Variants in TEX26 observed in about 807,000 individuals in gnomAD.
TEX26 encodes the protein testis expressed 26.
In TEX26, 34 loss-of-function variants were observed where a neutral mutation model predicts 35.3. That is an observed-to-expected ratio of 0.96 (90% CI 0.73 to 1.28). The LOEUF (loss-of-function observed/expected upper bound fraction) is 1.28, where lower values mean the gene tolerates loss of function less well. Among genes scored for constraint, TEX26 ranks in the 50% most tolerant of loss-of-function variants. The probability of loss-of-function intolerance (pLI) is 0.00; values close to 1 mark genes in which losing one functional copy is unlikely to be tolerated. For synonymous variants in TEX26, 136 were observed against 111.8 expected, an observed-to-expected ratio of 1.22 and a Z score of -1.36; for missense variants, 371 against 330.1, an observed-to-expected ratio of 1.12 and a Z score of -0.96.
chr13:30,941,165 A>C (rs1414543338), intron 2 of TEX26, among the ~76,000 whole-genome samples: 2 of 152,166 alleles, frequency 1.3e-5, no homozygotes, highest in East Asian at 3.9e-4. Flanking sequence ...TGTTCTGAGG[A>C]CACAAAGCAC....
chr13:30,973,588 T>A (rs558621961), intron 6 of TEX26: 2 of 152,056 alleles, frequency 1.3e-5, no homozygotes, highest in Non-Finnish European at 2.9e-5. Flanking sequence ...AAATTAAACA[T>A]GAAATCACAA....
At chr13:30,941,178 G>C (rs967997481) in intron 2 of TEX26, among the ~76,000 whole-genome samples, 22 of 152,098 alleles carry the variant, frequency 1.4e-4, no homozygotes, top group African/African-American at 5.3e-4. Flanking sequence ...CAAAGCACTA[G>C]GACAGTGACT....
At chr13:30,952,227 T>A (rs948924067) in intron 2 of TEX26, among the ~76,000 whole-genome samples, 1 of 152,044 alleles carries the variant, frequency 6.6e-6, no homozygotes, top group Admixed American at 6.6e-5. Flanking sequence ...TGAGTGGACA[T>A]TGCTGGCCAT....
intron 2 of TEX26, among the ~76,000 whole-genome samples, chr13:30,952,389 G>A (rs1275547875): frequency 6.6e-6 from 1 of 151,904 alleles, no homozygotes; most frequent in Non-Finnish European, 1.5e-5. Flanking sequence ...ATTGGAGAGT[G>A]TTCAGCTCTT....
chr13:30,970,158 GGTGTGTGTGAGTGTGTGTGT>G (rs1169771118), intron 6 of TEX26, among the ~76,000 whole-genome samples: 2 of 124,062 alleles, frequency 1.6e-5, no homozygotes, highest in South Asian at 3.0e-4. Context: ...GACAGGGAAG[GGTGTGTGTGAGTGTGTGTGT>G]GTGTGTGTGT....
At position 30,956,019 on chromosome 13, in the gene TEX26, T is replaced by TTTA. The variant is rs1231807408; in HGVS notation, c.313-843_313-841dup. On this transcript the variant is annotated intron_variant, in intron 3 of 6. Transcript: ENST00000380473. ...CATCCTAAAATCTCTCTTTTTTAAT[T>TTTA]TTATTATTATTATACTTTAAGTTTT... 5.3e-5 allele frequency among the ~76,000 whole-genome samples: 8 copies of TTTA among 152,196 alleles called. No homozygotes were observed. The East Asian group carries it at 1.5e-3, about 29-fold the overall frequency.
intron 1 of TEX26, chr13:30,933,802 C>G (rs1258296556): frequency 6.6e-6 from 1 of 152,170 alleles, no homozygotes; most frequent in African/African-American, 2.4e-5. Context: ...CCCTTTCTAA[C>G]CACCCTGTTT....
chr13:30,961,866 A>T, intron 4 of TEX26, among the ~76,000 whole-genome samples: 2 of 149,148 alleles, frequency 1.3e-5, no homozygotes, highest in Admixed American at 6.7e-5. Context: ...TACTTTTTTG[A>T]CTCCTTCTCT....
chr13:30,939,517 T>C (rs1230359764), intron 1 of TEX26, among the ~76,000 whole-genome samples, 177 bp from the exon 2 acceptor site: 1 of 152,228 alleles, frequency 6.6e-6, no homozygotes, highest in African/African-American at 2.4e-5. Context: ...GTGAAACAGA[T>C]AAGTCGAACT....
intron 5 of TEX26, among the ~76,000 whole-genome samples, chr13:30,968,189 T>C (rs1954602847): frequency 6.6e-6 from 1 of 152,142 alleles, no homozygotes; most frequent in Non-Finnish European, 1.5e-5. Context: ...AAAGAAATTA[T>C]GGGAGGGTTG....
intron 3 of TEX26, among the ~76,000 whole-genome samples, chr13:30,953,153 C>A (rs1953994717): frequency 6.6e-6 from 1 of 152,094 alleles, no homozygotes; most frequent in South Asian, 2.1e-4. Flanking sequence ...TGTTCCAAAC[C>A]ATTTTCATCA....
intron 4 of TEX26, among the ~76,000 whole-genome samples, chr13:30,962,829 G>GT (rs66774469): frequency 4.0e-4 from 60 of 148,194 alleles, no homozygotes; most frequent in Admixed American, 4.7e-4. Flanking sequence ...TTTTGTTTTT[G>GT]TTTTTTTTTT....
chr13:30,968,824 G>T (rs1034650767), intron 5 of TEX26, 61 bp from the exon 6 acceptor site: 1 of 1,534,560 alleles, frequency 6.5e-7, no homozygotes, highest in Non-Finnish European at 8.9e-7. Flanking sequence ...AACAATAAGG[G>T]CAAGACTGGT....
At chr13:30,954,277 T>TAC (rs56003143) in intron 3 of TEX26, among the ~76,000 whole-genome samples, 2,534 of 137,884 alleles carry the variant, frequency 0.018, 40 homozygotes, top group African/African-American at 0.034. Flanking sequence ...TATAGACCTA[T>TAC]ACACACACAC....
chr13:30,975,082 G>C lies in TEX26; in HGVS notation c.*175G>C. 1 of 473,372 alleles carries C rather than the reference G, an allele frequency of 2.1e-6. No individual in the cohort carries two copies. Among genetic ancestry groups the C allele is most frequent in the South Asian group, 4.0e-5 (1 of 25,132 alleles). The allele number at this position is 473,372 out of a possible 1,614,324, so 29.3% of individuals were successfully genotyped here. Reference sequence around the variant, plus strand: ...TTTATTTTTAAACAATAAAATTAAGGCTACAAAATTTTCCCTGAACATAGC... The same window carrying C: ...TTTATTTTTAAACAATAAAATTAAGCCTACAAAATTTTCCCTGAACATAGC... On this transcript the variant is annotated 3_prime_UTR_variant, in exon 7 of 7. Transcript: ENST00000380473.
chr13:30,938,485 A>G (rs950045377), intron 1 of TEX26, among the ~76,000 whole-genome samples: 8 of 152,252 alleles, frequency 5.3e-5, no homozygotes, highest in African/African-American at 1.9e-4. Context: ...TTGCATGGTG[A>G]TAGGGCAAGA....
At chr13:30,944,819 C>T (rs1455645264) in intron 2 of TEX26, among the ~76,000 whole-genome samples, 1 of 151,730 alleles carries the variant, frequency 6.6e-6, no homozygotes, top group Admixed American at 6.6e-5. Flanking sequence ...CCTGACATGA[C>T]TTTTATTGTT....
intron 4 of TEX26, 47 bp downstream of exon 4, chr13:30,957,076 C>T: frequency 6.3e-7 from 1 of 1,588,396 alleles, no homozygotes; most frequent in Non-Finnish European, 8.6e-7. Context: ...GTGGTAGGCC[C>T]TGGAGTTGCA....
intron 2 of TEX26, among the ~76,000 whole-genome samples, chr13:30,945,219 A>G (rs1476372115): frequency 6.6e-6 from 1 of 150,640 alleles, no homozygotes; most frequent in Non-Finnish European, 1.5e-5. Flanking sequence ...CTTTTTTTTT[A>G]CTGTTGTTGC....
Sources: gnomAD v4.1 joint callset for allele counts (sites outside exome capture counted in the v4.1 genomes callset) on GRCh38, gnomAD v4.1.1 for gene constraint, MANE v1.5 for transcripts, NCBI Gene and HGNC (gene_info 2026-07-23, HGNC 2026-07-21) for gene names.